CLIP2: variants seen among roughly 807,000 people sequenced by gnomAD.
CLIP2 encodes CAP-Gly domain containing linker protein 2, also known as CAP-Gly domain-containing linker protein 2.
CLIP2 carries 41 observed loss-of-function variants against 111.7 expected under a neutral mutation model. The ratio of observed to expected loss-of-function variants is 0.37; its 90% CI spans 0.29 to 0.48. The LOEUF (loss-of-function observed/expected upper bound fraction) is 0.48, where lower values mean the gene tolerates loss of function less well. Ranked by LOEUF, CLIP2 falls within the 20% of genes least tolerant of loss-of-function variation. The pLI, the probability that CLIP2 is intolerant of heterozygous loss-of-function variation, is 0.99. For missense variants in CLIP2, 1,160 were observed against 1,422.1 expected (o/e 0.82, Z 2.96); for synonymous variants, 660 against 644.2 (o/e 1.02, Z -0.37).
At position 74,404,776 on chromosome 7, in the gene CLIP2, T is replaced by G. The variant is rs371570667; in HGVS notation, c.*928T>G. 6.6e-6 allele frequency: 1 copy of G among 152,160 alleles called. No homozygotes were observed. The highest frequency in any genetic ancestry group is 2.4e-5 in the African/African-American group (1 of 41,408). 9.4% of individuals were successfully genotyped at this position (152,160 alleles called of 1,614,324 possible). ...CCTGGAGATGCAGCTAAGTGGGTCCTTATGTACACACCACGTTCACACACA... is the reference window on the plus strand; with the variant it reads ...CCTGGAGATGCAGCTAAGTGGGTCCGTATGTACACACCACGTTCACACACA... On this transcript the variant is annotated 3_prime_UTR_variant, in exon 17 of 17. Transcript: ENST00000223398.
intron 6 of CLIP2, among the ~76,000 whole-genome samples, chr7:74,359,628 T>G (rs1554309361): frequency 6.6e-6 from 1 of 152,180 alleles, no homozygotes; most frequent in Non-Finnish European, 1.5e-5. Context: ...GTGCTGAGAT[T>G]ACAGGCAGGA....
intron 3 of CLIP2, among the ~76,000 whole-genome samples, chr7:74,347,843 G>T (rs1173866194): frequency 6.6e-6 from 1 of 152,184 alleles, no homozygotes; most frequent in Non-Finnish European, 1.5e-5. Flanking sequence ...CTGCACAGAA[G>T]TGTTAGAAGA....
intron 2 of CLIP2, among the ~76,000 whole-genome samples, chr7:74,328,621 G>T (rs1172993467): frequency 1.3e-5 from 2 of 152,172 alleles, no homozygotes; most frequent in Non-Finnish European, 2.9e-5. Flanking sequence ...ATGAGGGGAT[G>T]TGGAGTTGCT....
At chr7:74,350,910 G>A (rs1789968287) in intron 3 of CLIP2, among the ~76,000 whole-genome samples, 2 of 147,266 alleles carry the variant, frequency 1.4e-5, no homozygotes, top group South Asian at 2.2e-4. Flanking sequence ...AGAAAGGAAG[G>A]AAAGGGAAGG....
chr7:74,364,996 T>C (rs1160816160), intron 8 of CLIP2: 8 of 14,786 alleles, frequency 5.4e-4, no homozygotes, highest in African/African-American at 4.6e-3. Context: ...TTTTTTGTTG[T>C]GTGTGTGTGT....
intron 14 of CLIP2, among the ~76,000 whole-genome samples, chr7:74,398,808 A>G (rs1483621292): frequency 6.6e-6 from 1 of 152,184 alleles, no homozygotes; most frequent in African/African-American, 2.4e-5. Flanking sequence ...CTGTGGCTCA[A>G]CAGAAGATAA....
intron 13 of CLIP2, among the ~76,000 whole-genome samples, chr7:74,396,757 A>G (rs1791458952): frequency 6.6e-6 from 1 of 151,960 alleles, no homozygotes; most frequent in Non-Finnish European, 1.5e-5. Context: ...CTGACCTCAA[A>G]TGATCCGCCC....
At chr7:74,354,725 C>T (rs1236908406) in intron 4 of CLIP2, among the ~76,000 whole-genome samples, 2 of 152,018 alleles carry the variant, frequency 1.3e-5, no homozygotes, top group African/African-American at 2.4e-5. Flanking sequence ...GAGCTGAGAT[C>T]ACGCCATTGC....
intron 3 of CLIP2, among the ~76,000 whole-genome samples, chr7:74,347,478 C>T (rs1584347407): frequency 6.6e-6 from 1 of 152,116 alleles, no homozygotes; most frequent in African/African-American, 2.4e-5. Flanking sequence ...CTGTGTTGGC[C>T]AGGCTGGTCT....
At chr7:74,302,672 C>T (rs782413765) in intron 1 of CLIP2, among the ~76,000 whole-genome samples, 12 of 152,194 alleles carry the variant, frequency 7.9e-5, no homozygotes, top group Non-Finnish European at 1.8e-4. Context: ...CCTGCTCAGC[C>T]CAGGAGCCCA....
Position 74,297,067 on chromosome 7 carries a change from G to A in CLIP2, c.-68+7333G>A, listed in dbSNP as rs963427161. On this transcript the variant is annotated intron_variant, in intron 1 of 16. Coordinates refer to ENST00000223398, the MANE Select transcript of CLIP2 (RefSeq NM_003388.5). ...CCTGGCTTGCTGCTTTCTCCTTGGA[G>A]TCTGTGTCCTCAGTCAGCTTGGGCC... 7.2e-5 allele frequency among the ~76,000 whole-genome samples: 11 copies of A among 152,302 alleles called. 1 individual carries two copies. In the East Asian group the frequency reaches 2.1e-3, roughly 29 times the overall value.
intron 6 of CLIP2, 128 bp downstream of exon 6, chr7:74,357,605 C>A: frequency 2.6e-6 from 2 of 772,918 alleles, no homozygotes; most frequent in Non-Finnish European, 4.2e-6. Context: ...CAGTACCTGT[C>A]CCCCGCTTTC....
intron 13 of CLIP2, among the ~76,000 whole-genome samples, chr7:74,394,133 G>GCCT (rs782763213): frequency 9.2e-5 from 14 of 152,076 alleles, no homozygotes; most frequent in African/African-American, 1.7e-4. Context: ...CTTTCCCAGA[G>GCCT]GGCCTCATCC....
intron 8 of CLIP2, among the ~76,000 whole-genome samples, chr7:74,364,630 C>T (rs1790424859): frequency 6.6e-6 from 1 of 152,096 alleles, no homozygotes; most frequent in African/African-American, 2.4e-5. Context: ...AGGCAATAGC[C>T]CTAAAGGTGC....
intron 13 of CLIP2, among the ~76,000 whole-genome samples, chr7:74,395,707 C>T (rs1791426297): frequency 6.6e-6 from 1 of 152,166 alleles, no homozygotes; most frequent in African/African-American, 2.4e-5. Flanking sequence ...GTGGGCTCCT[C>T]CACACTCCTG....
chr7:74,355,586 G>T (rs1416971946), intron 4 of CLIP2, among the ~76,000 whole-genome samples: 2 of 152,084 alleles, frequency 1.3e-5, no homozygotes, highest in African/African-American at 4.8e-5. Flanking sequence ...CTCCAGCCTG[G>T]GTAACAGAGC....
At chr7:74,325,190 G>A (rs1167477177) in intron 2 of CLIP2, among the ~76,000 whole-genome samples, 1 of 152,216 alleles carries the variant, frequency 6.6e-6, no homozygotes, top group Non-Finnish European at 1.5e-5. Flanking sequence ...AGAGGGGAGG[G>A]CCTGTATCCT....
chr7:74,397,910 T>TC (rs1791505182), intron 14 of CLIP2, among the ~76,000 whole-genome samples: 1 of 151,536 alleles, frequency 6.6e-6, no homozygotes, highest in Non-Finnish European at 1.5e-5. Flanking sequence ...CTTGTGATCC[T>TC]CCTGCCTCGG....
intron 2 of CLIP2, among the ~76,000 whole-genome samples, chr7:74,322,826 G>A (rs1327308370): frequency 1.2e-4 from 18 of 152,006 alleles, no homozygotes. Flanking sequence ...CGACTCCCTG[G>A]TTCAGGCGAT....
Sources: gnomAD v4.1 joint callset for allele counts (sites outside exome capture counted in the v4.1 genomes callset) on GRCh38, gnomAD v4.1.1 for gene constraint, MANE v1.5 for transcripts, NCBI Gene and HGNC (gene_info 2026-07-23, HGNC 2026-07-21) for gene names.